Variants in DGKB observed in about 807,000 individuals in gnomAD.
DGKB encodes the protein 90 kDa diacylglycerol kinase.
In DGKB, 67 loss-of-function variants were observed where a neutral mutation model predicts 114.3. The ratio of observed to expected loss-of-function variants is 0.59; its 90% CI spans 0.48 to 0.72. DGKB has a LOEUF of 0.72. Among genes scored for constraint, DGKB ranks in the 30% least tolerant of loss-of-function variants. The pLI, the probability that DGKB is intolerant of heterozygous loss-of-function variation, is 0.00. For missense variants in DGKB, 907 were observed against 975.2 expected (o/e 0.93, Z 0.93); for synonymous variants, 398 against 323.1 (o/e 1.23, Z -2.49).
At chr7:14,911,628 T>G (rs1426689908) in intron 1 of DGKB, among the ~76,000 whole-genome samples, 2 of 152,152 alleles carry the variant, frequency 1.3e-5, no homozygotes, top group African/African-American at 4.8e-5. Flanking sequence ...TGTGTTTCCC[T>G]TTAAAAAACA....
intron 1 of DGKB, among the ~76,000 whole-genome samples, chr7:14,929,073 C>G (rs1190293528): frequency 6.6e-6 from 1 of 150,456 alleles, no homozygotes; most frequent in Non-Finnish European, 1.5e-5. Flanking sequence ...ATCACATTTT[C>G]TTTATACAGT....
At chr7:14,914,187 A>C (rs1297958988) in intron 1 of DGKB, among the ~76,000 whole-genome samples, 1 of 152,196 alleles carries the variant, frequency 6.6e-6, no homozygotes, top group African/African-American at 2.4e-5. Context: ...TGACCTGGAA[A>C]AGCATCAATT....
At chr7:14,681,928 C>A (rs1237460992) in intron 12 of DGKB, among the ~76,000 whole-genome samples, 1 of 151,994 alleles carries the variant, frequency 6.6e-6, no homozygotes, top group Non-Finnish European at 1.5e-5. Flanking sequence ...CATGATTTAA[C>A]TGAAAGAGGA....
intron 13 of DGKB, among the ~76,000 whole-genome samples, chr7:14,670,813 A>G (rs1002907094): frequency 6.6e-6 from 1 of 152,098 alleles, no homozygotes; most frequent in Admixed American, 6.6e-5. Flanking sequence ...TTTATTGTCT[A>G]CATTACCCCT....
rs193135338 is a variant in DGKB, at chr7:14,391,699, A to T, written c.1836-46308T>A. 1.6e-3 allele frequency among the ~76,000 whole-genome samples: 240 copies of T among 152,180 alleles called. 8 individuals carry two copies. The highest frequency in any genetic ancestry group is 0.016 in the Admixed American group (239 of 15,276). ...AGAATGAGACCCTGTGTCAGGAAAA[A>T]TAAAAGAAAGAATGGTAAAGACAAA... On this transcript the variant is annotated intron_variant, in intron 21 of 25. Coordinates refer to ENST00000402815, the MANE Select transcript of DGKB (RefSeq NM_001350709.2).
intron 5 of DGKB, among the ~76,000 whole-genome samples, chr7:14,724,778 C>T (rs753845101): frequency 1.6e-4 from 24 of 152,238 alleles, no homozygotes; most frequent in Admixed American, 2.6e-4. Context: ...AGTCAGTCAA[C>T]GGAGCAAAAA....
At chr7:14,254,725 T>C (rs1216834607) in intron 23 of DGKB, among the ~76,000 whole-genome samples, 1 of 152,190 alleles carries the variant, frequency 6.6e-6, no homozygotes, top group Non-Finnish European at 1.5e-5. Context: ...CTGTGCAAAA[T>C]TGTGTCTCTG....
chr7:14,959,595 C>G (rs1233509806), intron 1 of DGKB, among the ~76,000 whole-genome samples: 1 of 151,906 alleles, frequency 6.6e-6, no homozygotes, highest in African/African-American at 2.4e-5. Flanking sequence ...GCCATGCTTA[C>G]TAAGTAACTG....
chr7:14,731,961 A>T (rs565625236), intron 5 of DGKB, among the ~76,000 whole-genome samples: 5 of 152,288 alleles, frequency 3.3e-5, no homozygotes, highest in Admixed American at 2.6e-4. Context: ...AGGTGATAAG[A>T]GGCACTTATA....
At chr7:14,232,291 T>C (rs1792001329) in intron 23 of DGKB, among the ~76,000 whole-genome samples, 1 of 151,754 alleles carries the variant, frequency 6.6e-6, no homozygotes, top group African/African-American at 2.4e-5. Flanking sequence ...AATATTTTGG[T>C]GTTTTAGAAT....
At chr7:14,826,223 C>T (rs758739211) in intron 2 of DGKB, among the ~76,000 whole-genome samples, 3 of 152,090 alleles carry the variant, frequency 2.0e-5, no homozygotes, top group East Asian at 1.9e-4. Context: ...TCCTTTTCTT[C>T]GTGGAAGCTT....
At chr7:14,501,899 G>C (rs571397161) in intron 20 of DGKB, among the ~76,000 whole-genome samples, 1 of 151,860 alleles carries the variant, frequency 6.6e-6, no homozygotes, top group Non-Finnish European at 1.5e-5. Flanking sequence ...TTAAATAATG[G>C]GGTCTGGACT....
At chr7:14,673,619 A>T (rs1819368809) in intron 12 of DGKB, among the ~76,000 whole-genome samples, 1 of 152,064 alleles carries the variant, frequency 6.6e-6, no homozygotes, top group Non-Finnish European at 1.5e-5. Context: ...CTCAACGTTA[A>T]GTTAGTATAT....
chr7:14,744,178 T>C (rs556939638), intron 4 of DGKB, among the ~76,000 whole-genome samples: 44 of 152,320 alleles, frequency 2.9e-4, no homozygotes, highest in Middle Eastern at 6.8e-3. Context: ...ATTTGGAGCA[T>C]ACTTCTTTCT....
At chr7:14,945,365 C>T (rs961365648) in intron 1 of DGKB, among the ~76,000 whole-genome samples, 23 of 151,706 alleles carry the variant, frequency 1.5e-4, no homozygotes, top group Non-Finnish European at 3.1e-4. Flanking sequence ...GCACATTTGT[C>T]CTGTTCTAGT....
chr7:14,418,288 T>C (rs1826051683), intron 21 of DGKB, among the ~76,000 whole-genome samples: 1 of 145,560 alleles, frequency 6.9e-6, no homozygotes, highest in Non-Finnish European at 1.5e-5. Context: ...TATATGTGTG[T>C]ATATATACAT....
intron 21 of DGKB, among the ~76,000 whole-genome samples, chr7:14,396,813 G>C (rs1004418070): frequency 6.6e-6 from 1 of 152,208 alleles, no homozygotes; most frequent in African/African-American, 2.4e-5. Context: ...TGAGTTTATA[G>C]AGTAATAAAA....
chr7:14,706,407 C>T lies in DGKB; in HGVS notation c.467-4677G>A, dbSNP rs1179057070. Among the ~76,000 whole-genome samples, 1,412 of 147,144 alleles carry T rather than the reference C, an allele frequency of 9.6e-3. 20 individuals carry two copies. Among genetic ancestry groups the T allele is most frequent in the African/African-American group, 0.033 (1,314 of 39,798 alleles). On this transcript the variant is annotated intron_variant, in intron 6 of 25. Coordinates refer to ENST00000402815, the MANE Select transcript of DGKB (RefSeq NM_001350709.2). ...CCACTGTCAACATTAGACAGATCAA[C>T]GAGACAGAAAGTCAACAAGGATACC...
intron 1 of DGKB, among the ~76,000 whole-genome samples, chr7:14,934,610 T>G (rs942176152): frequency 1.3e-5 from 2 of 152,170 alleles, no homozygotes; most frequent in Non-Finnish European, 2.9e-5. Context: ...AAAGTGATCT[T>G]TATACATACA....
Sources: gnomAD v4.1 joint callset for allele counts (sites outside exome capture counted in the v4.1 genomes callset) on GRCh38, gnomAD v4.1.1 for gene constraint, MANE v1.5 for transcripts, NCBI Gene and HGNC (gene_info 2026-07-23, HGNC 2026-07-21) for gene names.